Variants in SCN11A observed in about 807,000 individuals in gnomAD.
SCN11A encodes the protein sodium voltage-gated channel alpha subunit 11, also known as sodium channel protein type 11 subunit alpha.
Under a neutral mutation model 162.2 loss-of-function variants are expected in SCN11A, and 122 were observed. That is an observed-to-expected ratio of 0.75 (90% CI 0.65 to 0.87). The LOEUF is 0.87. Among genes scored for constraint, SCN11A ranks in the 40% least tolerant of loss-of-function variants. The pLI, the probability that SCN11A is intolerant of heterozygous loss-of-function variation, is 0.00. For synonymous variants in SCN11A, 758 were observed against 751.5 expected (o/e 1.01, Z -0.14); for missense variants, 2,015 against 2,181.6 (o/e 0.92, Z 1.52).
At chr3:39,045,851 T>C (rs1288121944) in intron 1 of SCN11A, among the ~76,000 whole-genome samples, 1 of 152,214 alleles carries the variant, frequency 6.6e-6, no homozygotes, top group East Asian at 1.9e-4. Context: ...AAGTGTCAAA[T>C]TGTCACTGTT....
intron 3 of SCN11A, among the ~76,000 whole-genome samples, chr3:38,954,888 C>T (rs1398995320): frequency 6.6e-6 from 1 of 152,004 alleles, no homozygotes; most frequent in Non-Finnish European, 1.5e-5. Context: ...ACTCGGGAGG[C>T]TGAGCAGGAG....
intron 2 of SCN11A, among the ~76,000 whole-genome samples, chr3:39,000,285 G>A (rs1013919740): frequency 1.3e-5 from 2 of 152,184 alleles, no homozygotes; most frequent in Non-Finnish European, 2.9e-5. Flanking sequence ...AGTCTGTTCG[G>A]AAGTCTTTGA....
At position 38,871,484 on chromosome 3, in the gene SCN11A, A is replaced by T; in HGVS notation, c.3720T>A (p.Phe1240Leu). The change falls in exon 25 of 30, where the codon TTT (phenylalanine) becomes TTA (leucine). Residue 1240 changes from phenylalanine (F) to leucine (L), a missense_variant. Coordinates refer to ENST00000302328, the MANE Select transcript of SCN11A (RefSeq NM_001349253.2). ...CGAGGTAAGCATTTCCCACATTGTC[A>T]AAGTTGACTTTCTGGTTGATCCAAG... ...NFSWINQKVN[F>L]DNVGNAYLAL... is the part of the protein sequence containing the mutation. 1.9e-6 allele frequency: 3 copies of T among 1,612,790 alleles called. No homozygotes were observed. The highest frequency in any genetic ancestry group is 2.5e-6 in the Non-Finnish European group (3 of 1,179,416).
At chr3:38,956,055 G>C (rs76119742) in intron 3 of SCN11A, among the ~76,000 whole-genome samples, 2,420 of 152,152 alleles carry the variant, frequency 0.016, 66 homozygotes, top group African/African-American at 0.056. Flanking sequence ...GCCCACCCTG[G>C]CCAACATGGT....
chr3:38,977,835 G>C (rs759722559), intron 2 of SCN11A, among the ~76,000 whole-genome samples: 1 of 152,126 alleles, frequency 6.6e-6, no homozygotes, highest in Non-Finnish European at 1.5e-5. Context: ...CATAGCTCAA[G>C]TTTACCTCCT....
chr3:38,997,794 G>A (rs2030689595), intron 2 of SCN11A, among the ~76,000 whole-genome samples: 1 of 152,222 alleles, frequency 6.6e-6, no homozygotes, highest in African/African-American at 2.4e-5. Flanking sequence ...AAGGAGCATA[G>A]GCCTTAGACA....
At chr3:39,016,711 T>C (rs935129645) in intron 2 of SCN11A, among the ~76,000 whole-genome samples, 3 of 152,140 alleles carry the variant, frequency 2.0e-5, no homozygotes, top group African/African-American at 4.8e-5. Context: ...CAAACAATTC[T>C]TCCGCCTCAG....
At chr3:38,902,768 C>T (rs906576677) in intron 16 of SCN11A, among the ~76,000 whole-genome samples, 4 of 151,872 alleles carry the variant, frequency 2.6e-5, no homozygotes, top group Admixed American at 2.0e-4. Context: ...CTGCCTGCCT[C>T]GGCCTCCCAA....
intron 2 of SCN11A, among the ~76,000 whole-genome samples, chr3:38,983,823 T>G (rs879692404): frequency 1.3e-5 from 2 of 152,200 alleles, no homozygotes; most frequent in Admixed American, 1.3e-4. Context: ...AGCTAACTTG[T>G]GTTGGGTTTC....
chr3:38,897,815 T>A (rs1489060187), intron 17 of SCN11A, among the ~76,000 whole-genome samples: 1 of 152,054 alleles, frequency 6.6e-6, no homozygotes, highest in African/African-American at 2.4e-5. Flanking sequence ...TTATATAAAA[T>A]GAATATTTTG....
chr3:39,004,690 C>T (rs2030917974), intron 2 of SCN11A, among the ~76,000 whole-genome samples: 1 of 151,922 alleles, frequency 6.6e-6, no homozygotes, highest in African/African-American at 2.4e-5. Context: ...TTTGTGTCTT[C>T]TCTGATTTCT....
intron 5 of SCN11A, among the ~76,000 whole-genome samples, chr3:38,949,720 T>C (rs2066572267): frequency 6.6e-6 from 1 of 152,222 alleles, no homozygotes; most frequent in Non-Finnish European, 1.5e-5. Flanking sequence ...ATACAGATTT[T>C]AAAAGTGAAG....
chr3:38,929,262 C>G (rs2066201730), intron 7 of SCN11A, among the ~76,000 whole-genome samples: 1 of 151,598 alleles, frequency 6.6e-6, no homozygotes, highest in South Asian at 2.1e-4. Flanking sequence ...TATTAATCAG[C>G]CTGAAAAAGG....
intron 2 of SCN11A, among the ~76,000 whole-genome samples, chr3:38,977,870 C>T (rs2066858621): frequency 1.3e-5 from 2 of 152,206 alleles, no homozygotes; most frequent in Admixed American, 1.3e-4. Context: ...CTTCTTGCCA[C>T]CATCCCATAT....
chr3:38,955,245 C>G (rs1266943422), intron 3 of SCN11A, among the ~76,000 whole-genome samples: 1 of 152,206 alleles, frequency 6.6e-6, no homozygotes, highest in African/African-American at 2.4e-5. Flanking sequence ...TGAGATCACT[C>G]TACTGCACTT....
At chr3:38,897,618 A>C (rs1029084815) in intron 17 of SCN11A, among the ~76,000 whole-genome samples, 1 of 151,706 alleles carries the variant, frequency 6.6e-6, no homozygotes, top group African/African-American at 2.4e-5. Context: ...CGGGAGGCTG[A>C]GGCAGGGGAA....
intron 7 of SCN11A, among the ~76,000 whole-genome samples, chr3:38,937,977 A>G (rs1220327236): frequency 6.6e-6 from 1 of 152,150 alleles, no homozygotes; most frequent in Admixed American, 6.5e-5. Context: ...CTTGGAACCA[A>G]CCCAAATGTC....
intron 22 of SCN11A, among the ~76,000 whole-genome samples, chr3:38,881,844 C>T (rs1212112120): frequency 6.6e-6 from 1 of 152,146 alleles, no homozygotes; most frequent in African/African-American, 2.4e-5. Flanking sequence ...CCTGCCTTTC[C>T]GAAGGCAGAT....
chr3:38,961,070 G>A (rs1015922684), intron 2 of SCN11A, among the ~76,000 whole-genome samples: 1 of 152,098 alleles, frequency 6.6e-6, no homozygotes, highest in Non-Finnish European at 1.5e-5. Context: ...TCACCTTCAG[G>A]AGACTAGCTG....
Sources: allele counts gnomAD v4.1 joint callset (sites outside exome capture counted in the v4.1 genomes callset), GRCh38; gene constraint gnomAD v4.1.1; transcripts MANE v1.5; gene names NCBI Gene and HGNC (gene_info 2026-07-23, HGNC 2026-07-21).